ING5: variants seen among roughly 807,000 people sequenced by gnomAD.
The protein encoded by ING5 is inhibitor of growth protein 5.
A neutral mutation model predicts 37.4 loss-of-function variants in ING5; 17 were observed. The ratio of observed to expected loss-of-function variants is 0.45; its 90% CI spans 0.31 to 0.68. The LOEUF (loss-of-function observed/expected upper bound fraction) is 0.68. Among genes scored for constraint, ING5 ranks in the 30% least tolerant of loss-of-function variants. The probability of loss-of-function intolerance (pLI) is 0.05; values close to 1 mark genes in which losing one functional copy is unlikely to be tolerated. For synonymous variants in ING5, 123 were observed against 116.6 expected, an observed-to-expected ratio of 1.06 and a Z score of -0.36; for missense variants, 233 against 311.9, an observed-to-expected ratio of 0.75 and a Z score of 1.91.
Position 241,711,987 on chromosome 2 carries a change from G to T in ING5, c.398G>T (p.Gly133Val). ...SGGRGLKKGR[G>V]QKEKRGSRGR... is the part of the protein sequence containing the mutation. Reference sequence around the variant, plus strand: ...CTTGATTATTTTTCAGAAGGCCGGGGTCAGAAAGAAAAAAGAGGGTCCCGG... The same window carrying T: ...CTTGATTATTTTTCAGAAGGCCGGGTTCAGAAAGAAAAAAGAGGGTCCCGG... Residue 133 changes from glycine to valine, a missense_variant, in exon 5 of 8, where the codon GGT becomes GTT. Transcript: ENST00000313552. 1 of 1,605,508 alleles carries T rather than the reference G, an allele frequency of 6.2e-7. No individual in the cohort carries two copies.
upstream of ING5, among the ~76,000 whole-genome samples, chr2:241,698,411 G>A (rs6751972): frequency 0.4 from 60,444 of 149,786 alleles, 12,688 homozygotes; most frequent in Middle Eastern, 0.5. Context: ...GCTAATTTGA[G>A]GTCTCAAAAA....
intron 7 of ING5, chr2:241,724,009 C>G: frequency 7.4e-7 from 1 of 1,359,302 alleles, no homozygotes; most frequent in Non-Finnish European, 9.6e-7. Flanking sequence ...GACCCTGTCT[C>G]AAATAAATAA....
At chr2:241,719,224 CT>C (rs2070362556) in intron 5 of ING5, among the ~76,000 whole-genome samples, 2 of 152,250 alleles carry the variant, frequency 1.3e-5, no homozygotes, top group African/African-American at 4.8e-5. Flanking sequence ...TTTCCCTCTG[CT>C]TTTAGTTGCT....
At position 241,709,555 on chromosome 2, in the gene ING5, G is replaced by GTTTT. The variant is rs10629648; in HGVS notation, c.276+188_276+191dup. 9.2e-5 allele frequency among the ~76,000 whole-genome samples: 12 copies of GTTTT among 130,102 alleles called. 1 individual carries two copies. Among genetic ancestry groups the GTTTT allele is most frequent in the Admixed American group, 1.7e-4 (2 of 12,112 alleles). 85.4% of individuals were successfully genotyped at this position (130,102 alleles called of 152,430 possible). A position where few individuals can be genotyped will look rare whatever the true frequency, so the allele number is the denominator to read the frequency against. The stretch of plus-strand genomic sequence containing the variant: ...ATACACTTCATGTAGGACCATCCCT[G>GTTTT]TTTTTTTTTTTTTTTTTTCTGGGCC... On this transcript the variant is annotated intron_variant, in intron 3 of 7. Transcript: ENST00000313552.
chr2:241,697,742 CAT>C (rs2069651593), upstream of ING5, among the ~76,000 whole-genome samples: 1 of 152,070 alleles, frequency 6.6e-6, no homozygotes, highest in African/African-American at 2.4e-5. Context: ...TGCTGTATGA[CAT>C]GTAATGGGGG....
At chr2:241,719,560 G>C in intron 5 of ING5, 2 of 1,536,132 alleles carry the variant, frequency 1.3e-6, no homozygotes, top group Non-Finnish European at 8.7e-7. Context: ...CCTTTTCTGC[G>C]TGAAAGTGGG....
chr2:241,712,692 C>T (rs750659721), intron 5 of ING5, among the ~76,000 whole-genome samples: 1 of 152,052 alleles, frequency 6.6e-6, no homozygotes. Flanking sequence ...GCTGAAATGC[C>T]ACGAAGCCTC....
intron 1 of ING5, among the ~76,000 whole-genome samples, chr2:241,702,813 C>T (rs1482735183): frequency 2.0e-5 from 3 of 152,260 alleles, no homozygotes; most frequent in Non-Finnish European, 2.9e-5. Context: ...CAGGGTCTCC[C>T]GCTCGTAGAG....
At chr2:241,705,660 C>T (rs1033562708) in intron 2 of ING5, among the ~76,000 whole-genome samples, 3 of 152,166 alleles carry the variant, frequency 2.0e-5, no homozygotes, top group Admixed American at 1.3e-4. Flanking sequence ...CCTGCCTAGG[C>T]CTCCCAAAGT....
intron 5 of ING5, among the ~76,000 whole-genome samples, chr2:241,713,895 C>G (rs1169607438): frequency 6.6e-6 from 1 of 151,444 alleles, no homozygotes; most frequent in Non-Finnish European, 1.5e-5. Context: ...GAGGCTGACG[C>G]AGGGAGATTG....
Position 241,725,989 on chromosome 2 carries a change from T to G in ING5, c.*958T>G, listed in dbSNP as rs951767021. On this transcript the variant is annotated 3_prime_UTR_variant, in exon 8 of 8. Coordinates refer to ENST00000313552, the MANE Select transcript of ING5 (RefSeq NM_032329.6). ...CACAATAGCAGTTCTGGAATGAAGC[T>G]AGGAAACTCGAGTGTGCTTTTTGTT... 2 of 152,614 alleles carry G rather than the reference T, an allele frequency of 1.3e-5. No individual in the cohort carries two copies. Among genetic ancestry groups the G allele is most frequent in the South Asian group, 2.1e-4 (1 of 4,820 alleles). The allele number at this position is 152,614 out of a possible 1,614,324, so 9.5% of individuals were successfully genotyped here.
At chr2:241,702,314 G>T (rs2069763198) in intron 1 of ING5, among the ~76,000 whole-genome samples, 1 of 150,124 alleles carries the variant, frequency 6.7e-6, no homozygotes, top group Admixed American at 6.6e-5. Flanking sequence ...CGCCGGCTGG[G>T]TCGCGCCAAT....
At chr2:241,720,597 T>A in intron 5 of ING5, 1 of 986,050 alleles carries the variant, frequency 1.0e-6, no homozygotes, top group South Asian at 4.7e-5. Flanking sequence ...TCCCGGGGCT[T>A]GGACAGGCAG....
At chr2:241,695,559 G>C (rs1010248453) in intron 2 of ING5, among the ~76,000 whole-genome samples, 1 of 152,120 alleles carries the variant, frequency 6.6e-6, no homozygotes, top group Non-Finnish European at 1.5e-5. Flanking sequence ...GATGGCACGC[G>C]CCTGTAGTCC....
chr2:241,718,248 A>G (rs946921266), intron 5 of ING5, among the ~76,000 whole-genome samples: 61 of 151,060 alleles, frequency 4.0e-4, no homozygotes, highest in African/African-American at 1.5e-3. Flanking sequence ...CCTGGCCTCA[A>G]GTGATCCGCC....
chr2:241,691,205 G>A (rs984263669), intron 2 of ING5, among the ~76,000 whole-genome samples: 7 of 151,672 alleles, frequency 4.6e-5, no homozygotes, highest in Admixed American at 1.3e-4. Context: ...TTGGGAGGCC[G>A]AGGTGGGTGA....
At chr2:241,688,789 A>G (rs1468807061) in intron 1 of ING5, among the ~76,000 whole-genome samples, 1 of 150,746 alleles carries the variant, frequency 6.6e-6, no homozygotes, top group Non-Finnish European at 1.5e-5. Context: ...ACGCCCGGCT[A>G]ATTTTTGTAT....
At chr2:241,723,686 C>A in intron 7 of ING5, 2 of 1,416,590 alleles carry the variant, frequency 1.4e-6, no homozygotes, top group Non-Finnish European at 2.0e-6. Context: ...GGGCATGGAT[C>A]TGGGGCTCTG....
chr2:241,692,579 G>A (rs982690034), intron 2 of ING5, among the ~76,000 whole-genome samples: 2 of 152,026 alleles, frequency 1.3e-5, no homozygotes, highest in African/African-American at 4.8e-5. Context: ...TGGGATTGCA[G>A]GCATGAGCCA....
Sources: allele counts gnomAD v4.1 joint callset (sites outside exome capture counted in the v4.1 genomes callset), GRCh38; gene constraint gnomAD v4.1.1; transcripts MANE v1.5; gene names NCBI Gene and HGNC (gene_info 2026-07-23, HGNC 2026-07-21).